Variants in UNC13A observed in about 807,000 individuals in gnomAD.
UNC13A encodes protein unc-13 homolog A.
UNC13A carries 61 observed loss-of-function variants against 219.7 expected under a neutral mutation model. That is an observed-to-expected ratio of 0.28 (90% confidence interval 0.23 to 0.34). The LOEUF (loss-of-function observed/expected upper bound fraction) is 0.34. UNC13A is among the 10% of genes least tolerant of loss of function. UNC13A has a pLI of 1.00. For missense variants in UNC13A, 1,476 were observed against 2,270.3 expected (o/e 0.65, Z 7.11); for synonymous variants, 920 against 884.6 (o/e 1.04, Z -0.71).
At chr19:17,655,416 G>A (rs1458445918) in intron 10 of UNC13A, 34 bp from the exon 11 acceptor site, 1 of 1,509,086 alleles carries the variant, frequency 6.6e-7, no homozygotes, top group Non-Finnish European at 9.0e-7. Flanking sequence ...CTCTGGGCTG[G>A]CTCTCCGTGA....
At chr19:17,676,558 A>G (rs2079902587) in intron 1 of UNC13A, among the ~76,000 whole-genome samples, 1 of 152,196 alleles carries the variant, frequency 6.6e-6, no homozygotes, top group East Asian at 1.9e-4. Context: ...AGGCGAGGAT[A>G]AAGACAATCT....
intron 28 of UNC13A, 77 bp from the exon 29 acceptor site, chr19:17,630,827 T>TCGTTAGTGGGTC: frequency 7.4e-7 from 1 of 1,351,402 alleles, no homozygotes; most frequent in African/African-American, 1.5e-5. Context: ...TCTGACCCAC[T>TCGTTAGTGGGTC]AACGAGTGGA....
intron 43 of UNC13A, among the ~76,000 whole-genome samples, chr19:17,608,343 AT>A (rs926781891): frequency 4.0e-5 from 5 of 124,848 alleles, no homozygotes; most frequent in African/African-American, 1.6e-4. Context: ...ACTATATATA[AT>A]TTTATATATA....
intron 1 of UNC13A, among the ~76,000 whole-genome samples, chr19:17,681,756 G>A (rs769829581): frequency 9.9e-5 from 15 of 152,108 alleles, no homozygotes; most frequent in Admixed American, 3.9e-4. Flanking sequence ...GCGGGCAGGC[G>A]CTGTCCACGG....
rs113739921 is a variant in UNC13A at position 17,607,460 on chromosome 19, C to CGGG, written c.4812-1109_4812-1107dup. Among the ~76,000 whole-genome samples the CGGG allele has an allele frequency of 1.9e-3, 78 of 40,084 alleles. 2 individuals carry two copies. Among genetic ancestry groups the CGGG allele is most frequent in the African/African-American group, 7.2e-3 (68 of 9,466 alleles). The allele number at this position is 40,084 out of a possible 152,430, so 26.3% of individuals were successfully genotyped here. A position where few individuals can be genotyped will look rare whatever the true frequency, so the allele number is the denominator to read the frequency against. On this transcript the variant is annotated intron_variant, in intron 43 of 43. Transcript: ENST00000519716. ...GTGTTTTTAGTACAGATGGGGGTGG[C>CGGG]GGGGGGGGGGGTCTCACCATGTTGG... is the stretch of plus-strand genomic sequence containing the variant.
At chr19:17,646,182 C>CA (rs1390143611) in intron 17 of UNC13A, 71 bp from the exon 18 acceptor site, 1 of 1,587,916 alleles carries the variant, frequency 6.3e-7, no homozygotes. Flanking sequence ...GTCACTGCCA[C>CA]ACGCTGCAGG....
intron 15 of UNC13A, 49 bp downstream of exon 15, chr19:17,648,863 C>T (rs1351804674): frequency 6.4e-7 from 1 of 1,554,476 alleles, no homozygotes; most frequent in South Asian, 1.2e-5. Flanking sequence ...TCCAGAAGCT[C>T]CTAGCCCAGT....
intron 42 of UNC13A, among the ~76,000 whole-genome samples, chr19:17,610,601 G>T (rs1203513646): frequency 6.6e-6 from 1 of 152,182 alleles, no homozygotes; most frequent in Non-Finnish European, 1.5e-5. Context: ...TGAGGTGAGA[G>T]AAAAAAATCA....
intron 5 of UNC13A, 90 bp from the exon 6 acceptor site, chr19:17,668,280 T>G: frequency 7.6e-7 from 1 of 1,314,990 alleles, no homozygotes; most frequent in South Asian, 1.3e-5. Context: ...ACCCGGGCCC[T>G]GGCTTCTGGG....
chr19:17,673,414 G>C (rs151037250), intron 3 of UNC13A, among the ~76,000 whole-genome samples: 1 of 145,028 alleles, frequency 6.9e-6, no homozygotes, highest in Admixed American at 7.0e-5. Context: ...GGCTGGGATT[G>C]GTGGCTCCTG....
At chr19:17,611,910 A>T (rs533751598) in intron 41 of UNC13A, 55 bp from the exon 42 acceptor site, 2 of 1,510,546 alleles carry the variant, frequency 1.3e-6, no homozygotes, top group African/African-American at 2.7e-5. Context: ...CCCACCCACC[A>T]GGAGGGACCT....
chr19:17,683,405 G>C (rs1294994733), intron 1 of UNC13A, among the ~76,000 whole-genome samples: 1 of 152,086 alleles, frequency 6.6e-6, no homozygotes, highest in African/African-American at 2.4e-5. Flanking sequence ...GCCGAGGCAA[G>C]AGGATCACTT....
Position 17,606,208 on chromosome 19 carries a change from A to G in UNC13A, c.4958T>C (p.Leu1653Pro). The change falls in exon 44 of 44, where the codon CTG becomes CCG. Residue 1653 changes from leucine to proline, a missense_variant. Physicochemically the swap from Leu to Pro is moderately conservative, Grantham distance 98. Transcript: ENST00000519716. ...CATGTGGATGCGGCGGCCGAGCGGC[A>G]GCCAGCAGGCGGCGCTCCCGCGCTG... ...LAQRGSAACW[L>P]PLGRRIHMDD... The G allele has an allele frequency of 1.3e-6, 2 of 1,556,622 alleles. No homozygotes were observed. The highest frequency in any genetic ancestry group is 8.7e-7 in the Non-Finnish European group (1 of 1,152,098).
intron 41 of UNC13A, chr19:17,616,542 A>G: frequency 1.7e-6 from 1 of 575,336 alleles, no homozygotes; most frequent in Admixed American, 2.4e-5. Flanking sequence ...GTGAGAGGTG[A>G]GGATGGAGGA....
chr19:17,617,303 C>G (rs76478813), intron 41 of UNC13A, among the ~76,000 whole-genome samples: 3 of 152,178 alleles, frequency 2.0e-5, no homozygotes, highest in Non-Finnish European at 2.9e-5. Flanking sequence ...CCCTCAGGAG[C>G]TGACAATCAT....
intron 1 of UNC13A, among the ~76,000 whole-genome samples, chr19:17,680,331 C>A (rs1198135093): frequency 6.6e-6 from 1 of 152,196 alleles, no homozygotes; most frequent in Non-Finnish European, 1.5e-5. Flanking sequence ...GGGGCGGAAG[C>A]GCCACCCTTC....
In UNC13A at chr19:17,640,626, G is replaced by A. The variant is rs1427317730; in HGVS notation, c.2672C>T (p.Pro891Leu). Residue 891 changes from proline (P) to leucine (L), a missense_variant, in exon 22 of 44, where the codon CCA (proline) becomes CTA (leucine). Coordinates refer to ENST00000519716, the MANE Select transcript of UNC13A (RefSeq NM_001080421.3). ...FACLSSKYMC[P>L]GVPAVMSTLL... ...GGTGCTCATGACGGCAGGCACCCCT[G>A]GGCACATATACTTGGAGGAGAGGCA... 2 of 1,592,516 alleles carry A rather than the reference G, an allele frequency of 1.3e-6. No individual in the cohort carries two copies. Among genetic ancestry groups the A allele is most frequent in the Non-Finnish European group, 1.7e-6 (2 of 1,170,368 alleles).
chr19:17,628,003 CACCGCCAGGG>C, intron 31 of UNC13A, 63 bp from the exon 32 acceptor site: 1 of 1,483,844 alleles, frequency 6.7e-7, no homozygotes, highest in Non-Finnish European at 9.2e-7. Flanking sequence ...CTCCCCTACC[CACCGCCAGGG>C]ACCTTGGGAT....
chr19:17,672,233 CTT>C (rs1161417426), intron 4 of UNC13A, 143 bp downstream of exon 4: 3 of 691,322 alleles, frequency 4.3e-6, no homozygotes, highest in Non-Finnish European at 2.5e-6. Flanking sequence ...GCTCTAGTGA[CTT>C]TGGAAGGTTC....
Sources: gnomAD v4.1 joint callset for allele counts (sites outside exome capture counted in the v4.1 genomes callset) on GRCh38, gnomAD v4.1.1 for gene constraint, MANE v1.5 for transcripts, NCBI Gene and HGNC (gene_info 2026-07-23, HGNC 2026-07-21) for gene names.